IL18RAP: variants seen among roughly 807,000 people sequenced by gnomAD.
IL18RAP encodes the protein interleukin 18 receptor accessory protein, also known as interleukin-18 receptor accessory protein.
A neutral mutation model predicts 58.1 loss-of-function variants in IL18RAP; 37 were observed. That is an observed-to-expected ratio of 0.64 (90% CI 0.49 to 0.84). IL18RAP has a LOEUF of 0.84. Among genes scored for constraint, IL18RAP ranks in the 40% least tolerant of loss-of-function variants. The pLI, the probability that IL18RAP is intolerant of heterozygous loss-of-function variation, is 0.00. For synonymous variants in IL18RAP, 268 were observed against 257.5 expected, an observed-to-expected ratio of 1.04 and a Z score of -0.39; for missense variants, 667 against 704.8, an observed-to-expected ratio of 0.95 and a Z score of 0.61.
intron 1 of IL18RAP, 146 bp from the exon 2 acceptor site, chr2:102,423,665 T>A: frequency 1.4e-6 from 1 of 698,580 alleles, no homozygotes; most frequent in Non-Finnish European, 2.4e-6. Context: ...GAACAGGCAC[T>A]TCCTTTCCCC....
intron 3 of IL18RAP, among the ~76,000 whole-genome samples, chr2:102,430,006 C>T (rs1013274509): frequency 5.3e-5 from 8 of 151,902 alleles, no homozygotes; most frequent in Non-Finnish European, 1.0e-4. Flanking sequence ...GGAAAATGTT[C>T]TATGTGTACT....
chr2:102,428,392 T>TA (rs1553403419), intron 3 of IL18RAP, among the ~76,000 whole-genome samples: 2 of 149,072 alleles, frequency 1.3e-5, no homozygotes, highest in African/African-American at 4.9e-5. Flanking sequence ...TTTTTTTTTT[T>TA]ATAATTTTCA....
chr2:102,426,592 T>A (rs1681960493), intron 3 of IL18RAP, among the ~76,000 whole-genome samples: 1 of 152,064 alleles, frequency 6.6e-6, no homozygotes, highest in South Asian at 2.1e-4. Flanking sequence ...CTCCAATAAG[T>A]GGTGTTAGGA....
intron 3 of IL18RAP, among the ~76,000 whole-genome samples, chr2:102,430,699 T>C (rs1436205486): frequency 6.6e-6 from 1 of 152,140 alleles, no homozygotes; most frequent in Non-Finnish European, 1.5e-5. Flanking sequence ...TCTTTTATAT[T>C]CATATTTTGT....
Position 102,450,957 on chromosome 2 carries a change from T to A in IL18RAP, c.1320T>A (p.Asp440Glu), listed in dbSNP as rs968264508. 3.1e-6 allele frequency: 5 copies of A among 1,611,872 alleles called. No individual in the cohort carries two copies. The highest frequency in any genetic ancestry group is 4.2e-6 in the Non-Finnish European group (5 of 1,179,134). Residue 440 changes from aspartate to glutamate, a missense_variant, in exon 9 of 10, where the codon GAT becomes GAA. Physicochemically the swap from Asp to Glu is conservative, Grantham distance 45. Coordinates refer to ENST00000687160, the MANE Select transcript of IL18RAP (RefSeq NM_001393487.1). The part of the protein sequence containing the change: ...EEHLALSLFP[D>E]VLENKYGYSL... ...ACTTGGCCCTGAGCCTATTTCCTGA[T>A]GTTTTAGAAAACAAATATGGATATA...
intron 3 of IL18RAP, among the ~76,000 whole-genome samples, chr2:102,433,506 G>A (rs992067596): frequency 6.6e-6 from 1 of 152,152 alleles, no homozygotes; most frequent in Non-Finnish European, 1.5e-5. Context: ...TTACAGGTGT[G>A]AGCCATCATG....
rs1231200221 is a variant in IL18RAP, at chr2:102,451,875, G to T, written c.1494G>T (p.Val498=). 1 of 1,614,026 alleles carries T rather than the reference G, an allele frequency of 6.2e-7. No individual in the cohort carries two copies. Among genetic ancestry groups the T allele is most frequent in the Non-Finnish European group, 8.5e-7 (1 of 1,180,008 alleles). The change falls in exon 10 of 10, where the codon GTG becomes GTT. Residue 498 remains valine, a synonymous_variant. Transcript: ENST00000687160. The part of the protein sequence containing the change: ...GPSIFELQAA[V]NLALDDQTLK... ...GTATCTTTGAACTACAAGCAGCAGT[G>T]AATCTTGCCTTGGATGATCAAACAC...
At chr2:102,423,600 T>A (rs1463726649) in intron 1 of IL18RAP, among the ~76,000 whole-genome samples, 1 of 152,184 alleles carries the variant, frequency 6.6e-6, no homozygotes, top group Non-Finnish European at 1.5e-5. Context: ...TCTACCATCT[T>A]TTCCAGGAAA....
intron 3 of IL18RAP, among the ~76,000 whole-genome samples, chr2:102,428,072 T>C (rs1490267254): frequency 6.6e-6 from 1 of 151,910 alleles, no homozygotes; most frequent in African/African-American, 2.4e-5. Flanking sequence ...TCTGTTTTTA[T>C]GCCAGTACCA....
upstream of IL18RAP, among the ~76,000 whole-genome samples, chr2:102,422,711 G>A (rs1275292349): frequency 6.6e-6 from 1 of 152,162 alleles, no homozygotes; most frequent in East Asian, 1.9e-4. Flanking sequence ...TGCATGTGGG[G>A]CAGGGAGAGG....
Position 102,452,362 on chromosome 2 carries a change from C to A in IL18RAP, c.*181C>A. On this transcript the variant is annotated 3_prime_UTR_variant, in exon 10 of 10. Coordinates refer to ENST00000687160, the MANE Select transcript of IL18RAP (RefSeq NM_001393487.1). ...GACTGTGGTTTAGAGCCTTTGATTT[C>A]CTGGACTGGACTGACGGCGAGTGAA... The A allele has an allele frequency of 1.7e-6, 1 of 587,508 alleles. No individual in the cohort carries two copies. Among genetic ancestry groups the A allele is most frequent in the Non-Finnish European group, 2.9e-6 (1 of 347,984 alleles). The allele number at this position is 587,508 out of a possible 1,614,324, so 36.4% of individuals were successfully genotyped here. A position where few individuals can be genotyped will look rare whatever the true frequency, so the allele number is the denominator to read the frequency against.
At chr2:102,442,386 A>G (rs1302606159) in intron 5 of IL18RAP, among the ~76,000 whole-genome samples, 1 of 152,182 alleles carries the variant, frequency 6.6e-6, no homozygotes, top group African/African-American at 2.4e-5. Flanking sequence ...ATGTTATGAT[A>G]TAAGATCACT....
In IL18RAP at chr2:102,443,228, A is replaced by G. The variant is rs1558644757; in HGVS notation, c.825A>G (p.Ala275=). The G allele has an allele frequency of 2.5e-6, 4 of 1,613,382 alleles. No homozygotes were observed. The highest frequency in any genetic ancestry group is 1.7e-5 in the Admixed American group (1 of 59,734). ...LGKPLTISCK[A]RFGFERVFNP... ...AGCCTTTAACTATTAGCTGCAAAGC[A>G]CGATTTGGCTTTGAAAGGGTCTTTA... Residue 275 remains alanine, a synonymous_variant, in exon 6 of 10, where the codon GCA becomes GCG. Transcript: ENST00000687160.
chr2:102,445,495 C>A (rs1251701794), intron 7 of IL18RAP, among the ~76,000 whole-genome samples, 155 bp downstream of exon 7: 2 of 152,180 alleles, frequency 1.3e-5, no homozygotes, highest in Non-Finnish European at 2.9e-5. Context: ...CATTTAATAC[C>A]TTGACCAAAG....
chr2:102,440,550 G>A (rs1683040549), intron 4 of IL18RAP: 1 of 152,226 alleles, frequency 6.6e-6, no homozygotes, highest in South Asian at 2.1e-4. Context: ...GGGATATAAG[G>A]CAGGGTGTGT....
chr2:102,452,243 C>T lies in IL18RAP; in HGVS notation c.*62C>T. 7.0e-7 allele frequency: 1 copy of T among 1,425,624 alleles called. No individual in the cohort carries two copies. The allele number at this position is 1,425,624 out of a possible 1,614,324, so 88.3% of individuals were successfully genotyped here. On this transcript the variant is annotated 3_prime_UTR_variant, in exon 10 of 10. Transcript: ENST00000687160. ...GATAGAGATGTTGCTGGACAGAACT[C>T]ACAGCTCTGTGTGTGTGTGTTCAGG...
chr2:102,442,224 A>G (rs1320324428), intron 5 of IL18RAP, among the ~76,000 whole-genome samples: 1 of 152,094 alleles, frequency 6.6e-6, no homozygotes, highest in Non-Finnish European at 1.5e-5. Flanking sequence ...AACTTCAATA[A>G]TATCTATGTC....
Position 102,437,377 on chromosome 2 carries a change from T to TA in IL18RAP, c.730+16dup. ...GAGAACCATTGGTAAGTGAGATTTTTATCTCAAGATTTGAGATCTGAGCAG... is the reference window on the plus strand; with the variant it reads ...GAGAACCATTGGTAAGTGAGATTTTTAATCTCAAGATTTGAGATCTGAGCAG... On this transcript the variant is annotated intron_variant, in intron 4 of 9. Coordinates refer to ENST00000687160, the MANE Select transcript of IL18RAP (RefSeq NM_001393487.1). 1 of 1,602,624 alleles carries TA rather than the reference T, an allele frequency of 6.2e-7. No individual in the cohort carries two copies. The highest frequency in any genetic ancestry group is 1.3e-5 in the African/African-American group (1 of 74,546).
intron 3 of IL18RAP, among the ~76,000 whole-genome samples, chr2:102,428,851 C>A (rs1178861733): frequency 6.6e-6 from 1 of 151,800 alleles, no homozygotes; most frequent in Non-Finnish European, 1.5e-5. Context: ...CATATATGGC[C>A]TTTATTGTAT....
Sources: allele counts gnomAD v4.1 joint callset (sites outside exome capture counted in the v4.1 genomes callset), GRCh38; gene constraint gnomAD v4.1.1; transcripts MANE v1.5; gene names NCBI Gene and HGNC (gene_info 2026-07-23, HGNC 2026-07-21).